IFT122: variants seen among roughly 807,000 people sequenced by gnomAD.
IFT122 encodes the protein intraflagellar transport 122, also known as intraflagellar transport protein 122 homolog.
Under a neutral mutation model 161.6 loss-of-function variants are expected in IFT122, and 118 were observed. The observed-to-expected ratio is 0.73, with a 90% confidence interval of 0.63 to 0.85. The LOEUF is 0.85. Ranked by LOEUF, IFT122 falls within the 40% of genes least tolerant of loss-of-function variation. The pLI, the probability that IFT122 is intolerant of heterozygous loss-of-function variation, is 0.00. For synonymous variants in IFT122, 550 were observed against 602.4 expected (o/e 0.91, Z 1.27); for missense variants, 1,381 against 1,579.6 (o/e 0.87, Z 2.13).
At chr3:129,497,266 C>CA (rs995473808) in intron 18 of IFT122, among the ~76,000 whole-genome samples, 17 of 150,976 alleles carry the variant, frequency 1.1e-4, no homozygotes, top group East Asian at 1.9e-4. Flanking sequence ...AGACCCATGT[C>CA]AAAAAAAAAT....
At chr3:129,456,193 T>G (rs2075456933) in intron 3 of IFT122, 2 of 1,256,400 alleles carry the variant, frequency 1.6e-6, no homozygotes, top group Non-Finnish European at 2.1e-6. Flanking sequence ...CCAGAGACTC[T>G]GAGCCCAAAG....
At chr3:129,453,677 T>C (rs1019029230) in intron 3 of IFT122, among the ~76,000 whole-genome samples, 1 of 152,154 alleles carries the variant, frequency 6.6e-6, no homozygotes, top group Non-Finnish European at 1.5e-5. Flanking sequence ...GTTGGCTGAA[T>C]AATGAAGGGA....
chr3:129,483,590 C>T lies in IFT122; in HGVS notation c.1759C>T (p.Arg587Trp), dbSNP rs774723842. The T allele has an allele frequency of 3.9e-5, 63 of 1,613,948 alleles. No homozygotes were observed. The highest frequency in any genetic ancestry group is 8.8e-5 in the South Asian group (8 of 91,048). The part of the protein sequence containing the change: ...NIKASTFPVH[R>W]QKLQGFVVGY... Reference sequence around the variant, plus strand: ...CAAAGCCAGCACCTTCCCTGTGCACCGGCAGAAGCTGCAGGGCTTTGTGGT... The same window carrying T: ...CAAAGCCAGCACCTTCCCTGTGCACTGGCAGAAGCTGCAGGGCTTTGTGGT... The change falls in exon 15 of 30, where the codon CGG becomes TGG. Residue 587 changes from arginine (R) to tryptophan (W), a missense_variant. Arg to Trp is a moderately radical substitution (Grantham distance 101). This residue lies in a region of IFT122 where 544 missense variants were observed against 648.0 expected (regional missense o/e 0.84). Transcript: ENST00000348417.
rs77147461 is a variant in IFT122 at position 129,487,707 on chromosome 3, C to T, written c.1852-550C>T. Reference sequence around the variant, plus strand: ...CGAACTCATTCATTGTGTCAGCAAACGTAGACTGGGGTTCTGCTGAGGGAG... The same window carrying T: ...CGAACTCATTCATTGTGTCAGCAAATGTAGACTGGGGTTCTGCTGAGGGAG... On this transcript the variant is annotated intron_variant, in intron 15 of 29. Coordinates refer to ENST00000348417, the MANE Select transcript of IFT122 (RefSeq NM_052989.3). 9.1e-3 allele frequency: 1,697 copies of T among 185,854 alleles called. 35 individuals carry two copies. The highest frequency in any genetic ancestry group is 0.036 in the African/African-American group (1,554 of 42,612). The allele number at this position is 185,854 out of a possible 1,614,324, so 11.5% of individuals were successfully genotyped here. A position where few individuals can be genotyped will look rare whatever the true frequency, so the allele number is the denominator to read the frequency against.
intron 1 of IFT122, among the ~76,000 whole-genome samples, chr3:129,449,568 T>C (rs2074491500): frequency 6.6e-6 from 1 of 152,222 alleles, no homozygotes; most frequent in Non-Finnish European, 1.5e-5. Flanking sequence ...TTGTCTAGCC[T>C]TTATGATATT....
chr3:129,466,884 C>T lies in IFT122; in HGVS notation c.564-6C>T. ...GTAATTTTGAACAACTACTTACTGT[C>T]TACAGCCGATGGGAGAGTTTCTGGA... On this transcript the variant is annotated splice_polypyrimidine_tract_variant and splice_region_variant and intron_variant, in intron 7 of 29. Transcript: ENST00000348417. 6.2e-7 allele frequency: 1 copy of T among 1,613,422 alleles called. No individual in the cohort carries two copies. The highest frequency in any genetic ancestry group is 1.1e-5 in the South Asian group (1 of 91,070).
intron 1 of IFT122, among the ~76,000 whole-genome samples, chr3:129,448,563 C>T (rs1039926675): frequency 6.6e-6 from 1 of 152,122 alleles, no homozygotes; most frequent in Non-Finnish European, 1.5e-5. Context: ...TTACTGTACA[C>T]GTGGTGACAA....
chr3:129,497,368 AC>A (rs2080996310), intron 18 of IFT122, among the ~76,000 whole-genome samples: 1 of 151,960 alleles, frequency 6.6e-6, no homozygotes, highest in South Asian at 2.1e-4. Context: ...GGTTTGCCAA[AC>A]CTCCCTTCCC....
intron 16 of IFT122, among the ~76,000 whole-genome samples, chr3:129,489,490 T>TTA (rs1438410443): frequency 6.6e-6 from 1 of 152,172 alleles, no homozygotes; most frequent in African/African-American, 2.4e-5. Flanking sequence ...ATGATCTAGA[T>TTA]TATATTTTTA....
At chr3:129,461,756 G>A (rs945084786) in intron 5 of IFT122, among the ~76,000 whole-genome samples, 10 of 152,192 alleles carry the variant, frequency 6.6e-5, no homozygotes, top group African/African-American at 1.7e-4. Context: ...GTCATTACTG[G>A]TTTAGGTGGC....
chr3:129,452,572 T>C (rs2074977423), intron 3 of IFT122, among the ~76,000 whole-genome samples: 1 of 152,114 alleles, frequency 6.6e-6, no homozygotes, highest in Non-Finnish European at 1.5e-5. Flanking sequence ...GAAGAGCCAT[T>C]GCAGAGGCCC....
In IFT122 at chr3:129,488,128, G is replaced by A. The variant is rs377607412; in HGVS notation, c.1852-129G>A. ...GGCAGGCTGGGCAGGGTGCTGATTG[G>A]CGGCTGCAGGGCTGCTCCCCAGGCA... On this transcript the variant is annotated intron_variant, in intron 15 of 29. Coordinates refer to ENST00000348417, the MANE Select transcript of IFT122 (RefSeq NM_052989.3). 10,390 of 1,441,896 alleles carry A rather than the reference G, an allele frequency of 7.2e-3. 35 individuals are homozygous for A. The highest frequency in any genetic ancestry group is 0.012 in the African/African-American group (736 of 60,248). The allele number at this position is 1,441,896 out of a possible 1,614,324, so 89.3% of individuals were successfully genotyped here. A position where few individuals can be genotyped will look rare whatever the true frequency, so the allele number is the denominator to read the frequency against.
chr3:129,503,369 C>T (rs891462920), intron 20 of IFT122, among the ~76,000 whole-genome samples: 2 of 152,166 alleles, frequency 1.3e-5, no homozygotes, highest in South Asian at 2.1e-4. Context: ...GCCCCCACCC[C>T]ACAACCACTA....
intron 20 of IFT122, 84 bp downstream of exon 20, chr3:129,502,966 T>G: frequency 7.4e-7 from 1 of 1,351,792 alleles, no homozygotes; most frequent in Non-Finnish European, 1.0e-6. Flanking sequence ...CCTTTGGGGT[T>G]CAGATGGAGA....
chr3:129,508,215 T>C (rs1553769849), intron 23 of IFT122, among the ~76,000 whole-genome samples: 1 of 152,270 alleles, frequency 6.6e-6, no homozygotes, highest in Non-Finnish European at 1.5e-5. Flanking sequence ...ACTAGAGTGT[T>C]GGCTTGGTCT....
At chr3:129,510,050 T>C (rs1002403338) in intron 23 of IFT122, among the ~76,000 whole-genome samples, 2 of 152,184 alleles carry the variant, frequency 1.3e-5, no homozygotes, top group African/African-American at 4.8e-5. Flanking sequence ...ACCTGCTCCC[T>C]CCAGCTGGGC....
At chr3:129,509,772 C>T (rs1388926571) in intron 23 of IFT122, among the ~76,000 whole-genome samples, 1 of 152,186 alleles carries the variant, frequency 6.6e-6, no homozygotes, top group Non-Finnish European at 1.5e-5. Flanking sequence ...GCCTTTCCCT[C>T]CCTGTCTCCT....
intron 9 of IFT122, among the ~76,000 whole-genome samples, chr3:129,469,620 C>A (rs2077154748): frequency 1.3e-5 from 2 of 152,136 alleles, no homozygotes; most frequent in Non-Finnish European, 1.5e-5. Flanking sequence ...TACTACTTTC[C>A]TTATCAACTT....
chr3:129,497,734 C>G (rs887408862), intron 18 of IFT122, among the ~76,000 whole-genome samples: 2 of 152,186 alleles, frequency 1.3e-5, no homozygotes, highest in African/African-American at 4.8e-5. Context: ...CCTTTTCAAT[C>G]CCCCCTGCCC....
Sources: gnomAD v4.1 joint callset for allele counts (sites outside exome capture counted in the v4.1 genomes callset) on GRCh38, gnomAD v4.1.1 for gene constraint, gnomAD v4.1.1 regional missense constraint, MANE v1.5 for transcripts, NCBI Gene and HGNC (gene_info 2026-07-23, HGNC 2026-07-21) for gene names.